The following TCIRG1 variants were observed in gnomAD, a reference collection of about 807,000 sequenced individuals.
The protein encoded by TCIRG1 is T cell immune regulator 1, ATPase H+ transporting V0 subunit a3, also known as V-type proton ATPase 116 kDa subunit a 3.
TCIRG1 carries 86 observed loss-of-function variants against 95.5 expected under a neutral mutation model. The observed-to-expected ratio is 0.90, with a 90% CI of 0.76 to 1.08. The LOEUF is 1.08. Among genes scored for constraint, TCIRG1 ranks in the 50% least tolerant of loss-of-function variants. TCIRG1 has a pLI of 0.00. For missense variants in TCIRG1, 1,069 were observed against 1,140.2 expected (o/e 0.94, Z 0.90); for synonymous variants, 499 against 501.3 (o/e 1.00, Z 0.06).
In TCIRG1 at chr11:68,049,250, C is replaced by T; in HGVS notation, c.1843C>T (p.Leu615Phe). ...CCTCATCCACTTCATCAACATGTTCCTCTTCTCCCACAGCCCCAGCAACAG... is the reference window on the plus strand; with the variant it reads ...CCTCATCCACTTCATCAACATGTTCTTCTTCTCCCACAGCCCCAGCAACAG... ...SILIHFINMF[L>F]FSHSPSNRLL... Residue 615 changes from leucine (L) to phenylalanine (F), a missense_variant, in exon 15 of 20, where the codon CTC becomes TTC. By Grantham distance (22) the Leu-to-Phe change is conservative (BLOSUM62 0). Coordinates refer to ENST00000265686, the MANE Select transcript of TCIRG1 (RefSeq NM_006019.4). The T allele has an allele frequency of 6.2e-7, 1 of 1,613,524 alleles. No homozygotes were observed. The highest frequency in any genetic ancestry group is 8.5e-7 in the Non-Finnish European group (1 of 1,179,882).
downstream of TCIRG1, chr11:68,052,145 C>T (rs985699836): frequency 6.6e-6 from 1 of 152,248 alleles, no homozygotes; most frequent in Non-Finnish European, 1.5e-5. Context: ...CATCCTTGTC[C>T]ACGTGAGCTT....
At position 68,049,210 on chromosome 11, in the gene TCIRG1, C is replaced by T. The variant is rs556601417; in HGVS notation, c.1803C>T (p.Ala601=). The T allele has an allele frequency of 4.3e-5, 69 of 1,613,764 alleles. No homozygotes were observed. Among genetic ancestry groups the T allele is most frequent in the Non-Finnish European group, 5.6e-5 (66 of 1,180,026 alleles). Residue 601 remains alanine (A), a synonymous_variant, in exon 15 of 20, where the codon GCC becomes GCT. Coordinates refer to ENST00000265686, the MANE Select transcript of TCIRG1 (RefSeq NM_006019.4). ...KWLCVWAARA[A]SAPSILIHFI... Reference sequence around the variant, plus strand: ...TGTGTGTCTGGGCTGCCAGGGCCGCCTCGGCCCCCAGCATCCTCATCCACT... The same window carrying T: ...TGTGTGTCTGGGCTGCCAGGGCCGCTTCGGCCCCCAGCATCCTCATCCACT...
chr11:68,050,157 C>T lies in TCIRG1; in HGVS notation c.2139C>T (p.Leu713=), dbSNP rs1161388891. Residue 713 remains leucine, a synonymous_variant, in exon 18 of 20, where the codon CTC becomes CTT. Coordinates refer to ENST00000265686, the MANE Select transcript of TCIRG1 (RefSeq NM_006019.4). ...CGCAGCTCGTCCCCTCCGAGGTGCT[C>T]ATGCACCAGGCCATCCACACCATCG... ...EEAELVPSEV[L]MHQAIHTIEF... is the part of the protein sequence containing the mutation. 1.9e-6 allele frequency: 3 copies of T among 1,613,414 alleles called. No individual in the cohort carries two copies. The highest frequency in any genetic ancestry group is 1.7e-6 in the Non-Finnish European group (2 of 1,179,894).
Position 68,047,726 on chromosome 11 carries a change from A to C in TCIRG1, c.1385A>C (p.Asn462Thr). ...LFSIYTGFIY[N>T]ECFSRATSIF... Reference sequence around the variant, plus strand: ...TCCATCTACACCGGCTTCATCTACAACGAGTGCTTCAGTCGCGCCACCAGC... The same window carrying C: ...TCCATCTACACCGGCTTCATCTACACCGAGTGCTTCAGTCGCGCCACCAGC... Residue 462 changes from asparagine (N) to threonine (T), a missense_variant, in exon 12 of 20, where the codon AAC (asparagine) becomes ACC (threonine). Coordinates refer to ENST00000265686, the MANE Select transcript of TCIRG1 (RefSeq NM_006019.4). 6.2e-7 allele frequency: 1 copy of C among 1,613,264 alleles called. No individual in the cohort carries two copies. The highest frequency in any genetic ancestry group is 8.5e-7 in the Non-Finnish European group (1 of 1,179,970).
At chr11:68,042,535 C>G in intron 3 of TCIRG1, 108 bp from the exon 4 acceptor site, 1 of 919,958 alleles carries the variant, frequency 1.1e-6, no homozygotes, top group Non-Finnish European at 1.7e-6. Flanking sequence ...GCCACCTCCA[C>G]CTGGTGAATC....
intron 1 of TCIRG1, among the ~76,000 whole-genome samples, chr11:68,041,058 G>A (rs1855135392): frequency 6.6e-6 from 1 of 152,198 alleles, no homozygotes; most frequent in South Asian, 2.1e-4. Flanking sequence ...CGGCCTGAGG[G>A]TGGGCTTCGG....
At chr11:68,052,445 A>G (rs576114056), downstream of TCIRG1, 1 of 152,398 alleles carries the variant, frequency 6.6e-6, no homozygotes, top group South Asian at 2.1e-4. Context: ...GAAGACGGTG[A>G]GTGAGAAGCC....
At position 68,049,212 on chromosome 11, in the gene TCIRG1, C is replaced by T. The variant is rs766619297; in HGVS notation, c.1805C>T (p.Ser602Leu). 29 of 1,613,718 alleles carry T rather than the reference C, an allele frequency of 1.8e-5. No individual in the cohort carries two copies. The highest frequency in any genetic ancestry group is 6.7e-5 in the East Asian group (3 of 44,894). ...TGTGTCTGGGCTGCCAGGGCCGCCT[C>T]GGCCCCCAGCATCCTCATCCACTTC... is the stretch of plus-strand genomic sequence containing the variant. ...WLCVWAARAA[S>L]APSILIHFIN... The change falls in exon 15 of 20, where the codon TCG (serine) becomes TTG (leucine). Residue 602 changes from serine to leucine, a missense_variant. Coordinates refer to ENST00000265686, the MANE Select transcript of TCIRG1 (RefSeq NM_006019.4).
At chr11:68,047,006 C>CTTTTT (rs5792432) in intron 10 of TCIRG1, 572 of 328,712 alleles carry the variant, frequency 1.7e-3, no homozygotes, top group East Asian at 3.7e-3. Context: ...GTGGTGGGTT[C>CTTTTT]TTTTTTTTTT....
In TCIRG1 at chr11:68,041,009, G is replaced by A. The variant is rs1169707587; in HGVS notation, c.-4-259G>A. On this transcript the variant is annotated intron_variant, in intron 1 of 19. Transcript: ENST00000265686. ...GGAGACGCTGGAGGTAGGGGCGGGG[G>A]TCCCCATGGGCAGAGCAAGCCAGGA... 2.6e-5 allele frequency among the ~76,000 whole-genome samples: 4 copies of A among 152,316 alleles called. No individual in the cohort carries two copies. In the South Asian group the frequency reaches 8.3e-4, roughly 32 times the overall value.
downstream of TCIRG1, chr11:68,050,968 G>A (rs1448909112): frequency 2.2e-6 from 2 of 891,560 alleles, no homozygotes; most frequent in Non-Finnish European, 3.6e-6. Flanking sequence ...TGTAGGATCT[G>A]GGACCTCAAA....
intron 15 of TCIRG1, 43 bp downstream of exon 15, chr11:68,049,337 G>A: frequency 1.3e-6 from 2 of 1,559,226 alleles, no homozygotes; most frequent in Non-Finnish European, 1.7e-6. Flanking sequence ...CGGCCTCATG[G>A]GGACCCCGCG....
chr11:68,047,526 T>C lies in TCIRG1; in HGVS notation c.1259T>C (p.Met420Thr), dbSNP rs1430449011. Reference sequence around the variant, plus strand: ...CTCATGTTCCTGTTCGCCCTGGCCATGGTCCTTGCGGAGAACCGACCGGCT... The same window carrying C: ...CTCATGTTCCTGTTCGCCCTGGCCACGGTCCTTGCGGAGAACCGACCGGCT... ...GLLMFLFALA[M>T]VLAENRPAVK... The change falls in exon 11 of 20, where the codon ATG (methionine) becomes ACG (threonine). Residue 420 changes from methionine (M) to threonine (T), a missense_variant. Met to Thr is a moderately conservative substitution (Grantham distance 81). Coordinates refer to ENST00000265686, the MANE Select transcript of TCIRG1 (RefSeq NM_006019.4). 1.9e-6 allele frequency: 3 copies of C among 1,613,960 alleles called. No homozygotes were observed. Among genetic ancestry groups the C allele is most frequent in the Admixed American group, 1.7e-5 (1 of 60,018 alleles).
chr11:68,046,468 TCTC>T (rs1489300645), intron 10 of TCIRG1, among the ~76,000 whole-genome samples: 2 of 152,126 alleles, frequency 1.3e-5, no homozygotes, highest in Non-Finnish European at 2.9e-5. Context: ...CACACACTGT[TCTC>T]CTTCTATGTG....
Position 68,041,849 on chromosome 11 carries a change from C to G in TCIRG1, c.196+18C>G, listed in dbSNP as rs752163571. 1 of 1,595,100 alleles carries G rather than the reference C, an allele frequency of 6.3e-7. No individual in the cohort carries two copies. Among genetic ancestry groups the G allele is most frequent in the Non-Finnish European group, 8.5e-7 (1 of 1,169,868 alleles). ...GACCTTCAGTGAGTTGGTCCCAGGC[C>G]TACATTCCAGGCAGGCTTCCTGGAG... On this transcript the variant is annotated intron_variant, in intron 3 of 19. Transcript: ENST00000265686.
rs772440359 is a variant in TCIRG1, at chr11:68,047,561, G to A, written c.1294G>A (p.Ala432Thr). 36 of 1,613,658 alleles carry A rather than the reference G, an allele frequency of 2.2e-5. No homozygotes were observed. The highest frequency in any genetic ancestry group is 6.7e-5 in the East Asian group (3 of 44,886). Residue 432 changes from alanine to threonine, a missense_variant, in exon 11 of 20, where the codon GCG (alanine) becomes ACG (threonine). Ala to Thr is a moderately conservative substitution (Grantham distance 58, BLOSUM62 0). Coordinates refer to ENST00000265686, the MANE Select transcript of TCIRG1 (RefSeq NM_006019.4). ...GGAGAACCGACCGGCTGTGAAGGCCGCGCAGAACGAGGTGAGGGGCGGGGC... is the reference window on the plus strand; with the variant it reads ...GGAGAACCGACCGGCTGTGAAGGCCACGCAGAACGAGGTGAGGGGCGGGGC... ...LAENRPAVKA[A>T]QNEIWQTFFR...
rs112732778 is a variant in TCIRG1 at position 68,047,817 on chromosome 11, C to T, written c.1463+13C>T. ...AGTCTGGCTGGAGGTGAGGCCCGGG[C>T]CCCAGCCCGGCTGGGGGCCCCGCAG... On this transcript the variant is annotated intron_variant, in intron 12 of 19. Transcript: ENST00000265686. 55 of 1,612,228 alleles carry T rather than the reference C, an allele frequency of 3.4e-5. 1 individual carries two copies. In the African/African-American group the frequency reaches 4.4e-4, roughly 13 times the overall value.
intron 10 of TCIRG1, among the ~76,000 whole-genome samples, chr11:68,046,351 A>C (rs1855484343): frequency 6.6e-6 from 1 of 152,184 alleles, no homozygotes; most frequent in African/African-American, 2.4e-5. Context: ...ATCTTAAAAA[A>C]ATAAAAGATG....
At position 68,049,755 on chromosome 11, in the gene TCIRG1, C is replaced by A; in HGVS notation, c.1980C>A (p.Arg660=). The part of the protein sequence containing the change: ...GTPLHLLHRH[R]RRLRRRPADR... Reference sequence around the variant, plus strand: ...CCCTGCACCTGCTGCACCGCCACCGCCGCCGCCTGCGGAGGAGGCCCGCTG... The same window carrying A: ...CCCTGCACCTGCTGCACCGCCACCGACGCCGCCTGCGGAGGAGGCCCGCTG... Residue 660 remains arginine (R), a synonymous_variant, in exon 16 of 20, where the codon CGC becomes CGA. Coordinates refer to ENST00000265686, the MANE Select transcript of TCIRG1 (RefSeq NM_006019.4). 6.3e-7 allele frequency: 1 copy of A among 1,577,084 alleles called. No homozygotes were observed.
Sources: gnomAD v4.1 joint callset for allele counts (sites outside exome capture counted in the v4.1 genomes callset) on GRCh38, gnomAD v4.1.1 for gene constraint, MANE v1.5 for transcripts, NCBI Gene and HGNC (gene_info 2026-07-23, HGNC 2026-07-21) for gene names.